Variants in CEP89 observed in about 807,000 individuals in gnomAD.
CEP89 encodes centrosomal protein 89.
CEP89 carries 95 observed loss-of-function variants against 97.6 expected under a neutral mutation model. The observed-to-expected ratio is 0.97, with a 90% CI of 0.82 to 1.15. CEP89 has a LOEUF of 1.15. CEP89 is among the 50% of genes most tolerant of loss of function. The probability of loss-of-function intolerance (pLI) is 0.00; values close to 1 mark genes in which losing one functional copy is unlikely to be tolerated. For missense variants in CEP89, 869 were observed against 947.7 expected (o/e 0.92, Z 1.09); for synonymous variants, 354 against 349.1 (o/e 1.01, Z -0.16).
At chr19:32,901,701 C>T (rs1251307731) in intron 14 of CEP89, among the ~76,000 whole-genome samples, 1 of 152,038 alleles carries the variant, frequency 6.6e-6, no homozygotes, top group African/African-American at 2.4e-5. Context: ...AATCATGGCT[C>T]ACTGCAGCTT....
chr19:32,958,872 C>A (rs1459659183), intron 3 of CEP89, among the ~76,000 whole-genome samples: 2 of 151,668 alleles, frequency 1.3e-5, no homozygotes, highest in Non-Finnish European at 2.9e-5. Flanking sequence ...CAAAAATTAG[C>A]CAGGTGTGGT....
chr19:32,953,815 T>C lies in CEP89; in HGVS notation c.306-14A>G, dbSNP rs774108187. The C allele has an allele frequency of 2.5e-5, 39 of 1,588,366 alleles. No individual in the cohort carries two copies. Among genetic ancestry groups the C allele is most frequent in the Non-Finnish European group, 3.1e-5 (36 of 1,160,488 alleles). On this transcript the variant is annotated splice_polypyrimidine_tract_variant and intron_variant, in intron 3 of 18. Coordinates refer to ENST00000305768, the MANE Select transcript of CEP89 (RefSeq NM_032816.5). Reference sequence around the variant, plus strand: ...TGCCAATTTGGCCTGTATTAGAATATTCATGGGGAAAACAAACAAAAAGTC... The same window carrying C: ...TGCCAATTTGGCCTGTATTAGAATACTCATGGGGAAAACAAACAAAAAGTC...
intron 12 of CEP89, among the ~76,000 whole-genome samples, chr19:32,921,142 A>G (rs1419053264): frequency 6.6e-6 from 1 of 151,834 alleles, no homozygotes; most frequent in Non-Finnish European, 1.5e-5. Flanking sequence ...GAATCACTTG[A>G]ACCCAGGAGG....
At chr19:32,970,309 G>A (rs958762883) in intron 1 of CEP89, 1 of 152,176 alleles carries the variant, frequency 6.6e-6, no homozygotes, top group East Asian at 1.9e-4. Context: ...GCCATAAGCT[G>A]TCAGTTGTGG....
intron 6 of CEP89, among the ~76,000 whole-genome samples, chr19:32,938,392 G>C (rs980511509): frequency 4.6e-5 from 7 of 152,158 alleles, no homozygotes; most frequent in African/African-American, 1.7e-4. Context: ...CAACTGCAGG[G>C]AAGCACATTT....
chr19:32,915,532 A>T lies in CEP89; in HGVS notation c.1385-15T>A, dbSNP rs764785680. Reference sequence around the variant, plus strand: ...CAGCTTAGAAACTGAAAATCAAAAGAGGAAGATAAAAACTTGGCACAGAAG... The same window carrying T: ...CAGCTTAGAAACTGAAAATCAAAAGTGGAAGATAAAAACTTGGCACAGAAG... On this transcript the variant is annotated splice_polypyrimidine_tract_variant and intron_variant, in intron 13 of 18. Transcript: ENST00000305768. The T allele has an allele frequency of 1.2e-6, 2 of 1,603,146 alleles. No individual in the cohort carries two copies. Among genetic ancestry groups the T allele is most frequent in the Admixed American group, 3.5e-5 (2 of 56,388 alleles).
chr19:32,891,147 GC>G (rs1374352774), intron 16 of CEP89, among the ~76,000 whole-genome samples: 1 of 152,170 alleles, frequency 6.6e-6, no homozygotes, highest in African/African-American at 2.4e-5. Flanking sequence ...CCTGGCTGGG[GC>G]CCCTGTCACT....
intron 2 of CEP89, among the ~76,000 whole-genome samples, chr19:32,964,105 G>T (rs1424422224): frequency 1.3e-5 from 2 of 151,958 alleles, no homozygotes; most frequent in African/African-American, 4.8e-5. Flanking sequence ...TTAAATACCT[G>T]CCTAGTATAA....
intron 16 of CEP89, among the ~76,000 whole-genome samples, chr19:32,896,071 C>T (rs917697048): frequency 6.6e-6 from 1 of 152,164 alleles, no homozygotes; most frequent in African/African-American, 2.4e-5. Flanking sequence ...AGTGCAATCC[C>T]TATCAGAACA....
chr19:32,963,084 G>A (rs1438425277), intron 2 of CEP89, among the ~76,000 whole-genome samples: 1 of 152,262 alleles, frequency 6.6e-6, no homozygotes, highest in Non-Finnish European at 1.5e-5. Flanking sequence ...GACCAGGCGC[G>A]GTAGCTCACG....
chr19:32,927,780 T>C (rs1000190939), intron 9 of CEP89, among the ~76,000 whole-genome samples: 7 of 151,856 alleles, frequency 4.6e-5, no homozygotes, highest in African/African-American at 7.3e-5. Flanking sequence ...AATTTTTGTA[T>C]TTTTTGTAGA....
chr19:32,913,462 G>A (rs950993598), intron 14 of CEP89, among the ~76,000 whole-genome samples: 3 of 151,416 alleles, frequency 2.0e-5, no homozygotes, highest in Admixed American at 6.6e-5. Flanking sequence ...ATATATACAC[G>A]CACATACACA....
At chr19:32,885,488 T>C (rs1388920383) in intron 17 of CEP89, among the ~76,000 whole-genome samples, 2 of 148,646 alleles carry the variant, frequency 1.3e-5, no homozygotes, top group South Asian at 2.1e-4. Context: ...GCCTGGCTAA[T>C]TGCTGTATTT....
chr19:32,959,615 G>A (rs1021361593), intron 3 of CEP89, among the ~76,000 whole-genome samples: 3 of 152,122 alleles, frequency 2.0e-5, no homozygotes, highest in African/African-American at 4.8e-5. Flanking sequence ...GCTCTGTGCC[G>A]CTGTGAAAAT....
chr19:32,881,833 G>GCATGCCC lies in CEP89; in HGVS notation c.2135+4_2135+10dup. 6.3e-7 allele frequency: 1 copy of GCATGCCC among 1,594,124 alleles called. No individual in the cohort carries two copies. Among genetic ancestry groups the GCATGCCC allele is most frequent in the Non-Finnish European group, 8.5e-7 (1 of 1,175,512 alleles). ...ATCTCTGCGGGCCATGGCGCAGGGC[G>GCATGCCC]CATGCCCCACCTGTTCTGCTGCAGC... On this transcript the variant is annotated intron_variant, in intron 18 of 18. Coordinates refer to ENST00000305768, the MANE Select transcript of CEP89 (RefSeq NM_032816.5).
Position 32,948,328 on chromosome 19 carries a change from T to C in CEP89, c.533A>G (p.Asn178Ser), listed in dbSNP as rs1334629395. 6.8e-6 allele frequency: 11 copies of C among 1,612,016 alleles called. No individual in the cohort carries two copies. The highest frequency in any genetic ancestry group is 9.3e-6 in the Non-Finnish European group (11 of 1,179,130). Residue 178 changes from asparagine to serine, a missense_variant, in exon 5 of 19, where the codon AAT becomes AGT. Transcript: ENST00000305768. Reference protein sequence around the residue: ...LHEVNSEDDENISHQDGFPGS... With the variant: ...LHEVNSEDDESISHQDGFPGS... ...TGGAAACCCATCTTGATGAGAAATA[T>C]TTTCATCGTCTTCACTGTTCACCTC...
At chr19:32,927,119 C>T in intron 9 of CEP89, 135 bp from the exon 10 acceptor site, 1 of 668,268 alleles carries the variant, frequency 1.5e-6, no homozygotes, top group Non-Finnish European at 2.6e-6. Context: ...TACCCACCCA[C>T]CTACCCACCT....
At position 32,918,321 on chromosome 19, in the gene CEP89, T is replaced by C; in HGVS notation, c.1287A>G (p.Gln429=). ...TGTTTTCCTCTAAAACCAGTTTTGC[T>C]TGAGTCTGAAGCTGACGCCTGCAAT... is the stretch of plus-strand genomic sequence containing the variant. ...TSEEWRQLQT[Q]AKLVLEENKL... Residue 429 remains glutamine, a synonymous_variant, in exon 13 of 19, where the codon CAA becomes CAG. Transcript: ENST00000305768. 1.2e-6 allele frequency: 2 copies of C among 1,614,060 alleles called. No homozygotes were observed. Among genetic ancestry groups the C allele is most frequent in the Non-Finnish European group, 8.5e-7 (1 of 1,179,934 alleles).
intron 12 of CEP89, among the ~76,000 whole-genome samples, chr19:32,919,177 G>A (rs1444890585): frequency 3.3e-5 from 5 of 152,042 alleles, no homozygotes; most frequent in Admixed American, 1.3e-4. Flanking sequence ...GAGCCACCGC[G>A]TCCAGCCGAA....
Sources: allele counts gnomAD v4.1 joint callset (sites outside exome capture counted in the v4.1 genomes callset), GRCh38; gene constraint gnomAD v4.1.1; transcripts MANE v1.5; gene names NCBI Gene and HGNC (gene_info 2026-07-23, HGNC 2026-07-21).